Variants in PLCXD3 observed in about 807,000 individuals in gnomAD.
PLCXD3 encodes PI-PLC X domain-containing protein 3.
PLCXD3 carries 19 observed loss-of-function variants against 25.5 expected under a neutral mutation model. That is an observed-to-expected ratio of 0.75 (90% CI 0.52 to 1.09). The LOEUF (loss-of-function observed/expected upper bound fraction) is 1.09, where lower values mean the gene tolerates loss of function less well. Among genes scored for constraint, PLCXD3 ranks in the 50% least tolerant of loss-of-function variants. The pLI is 0.00. For missense variants in PLCXD3, 411 were observed against 388.1 expected (o/e 1.06, Z -0.50); for synonymous variants, 174 against 137.6 (o/e 1.26, Z -1.85).
At chr5:41,319,548 G>T (rs373855308) in intron 2 of PLCXD3, among the ~76,000 whole-genome samples, 4 of 152,022 alleles carry the variant, frequency 2.6e-5, no homozygotes, top group Admixed American at 6.6e-5. Flanking sequence ...AAATTGAAAA[G>T]TTTCTTGAAA....
rs542934356 is a variant in PLCXD3 at position 41,459,069 on chromosome 5, T to C, written c.103+51355A>G. On this transcript the variant is annotated intron_variant, in intron 1 of 2. Transcript: ENST00000377801. ...TGTCTGTTTTTCTAAGAAAAATATT[T>C]TCCTTCAATGCCAAGTACTCTTTCA... 2.0e-5 allele frequency among the ~76,000 whole-genome samples: 3 copies of C among 152,052 alleles called. No homozygotes were observed. In the East Asian group the frequency reaches 5.8e-4, roughly 30 times the overall value.
intron 2 of PLCXD3, among the ~76,000 whole-genome samples, chr5:41,375,638 A>C (rs1745271630): frequency 6.6e-6 from 1 of 152,070 alleles, no homozygotes; most frequent in South Asian, 2.1e-4. Flanking sequence ...CTAACATCCT[A>C]CCAGGGTTTG....
intron 1 of PLCXD3, among the ~76,000 whole-genome samples, chr5:41,424,396 C>T (rs570046930): frequency 9.9e-5 from 15 of 152,094 alleles, no homozygotes; most frequent in Admixed American, 8.5e-4. Context: ...CAAAATTAGC[C>T]GGGTGTGGTG....
rs1450129730 is a variant in PLCXD3 at position 41,312,638 on chromosome 5, CCTTCCCTCCCTT to C, written c.*967_*978del. On this transcript the variant is annotated 3_prime_UTR_variant, in exon 3 of 3. Transcript: ENST00000377801. ...TCCTTCCTCCCGTCCTTCCTTCTGTCCTTCCCTCCCTTCTTCCCTCCCTTCCTCCCTCCCTTC... is the reference window on the plus strand; with the variant it reads ...TCCTTCCTCCCGTCCTTCCTTCTGTCCTTCCCTCCCTTCCTCCCTCCCTTC... 56 of 138,548 alleles carry C rather than the reference CCTTCCCTCCCTT, an allele frequency of 4.0e-4. No homozygotes were observed. Among genetic ancestry groups the C allele is most frequent in the African/African-American group, 1.5e-3 (55 of 37,356 alleles). 8.6% of individuals were successfully genotyped at this position (138,548 alleles called of 1,614,324 possible). A position where few individuals can be genotyped will look rare whatever the true frequency, so the allele number is the denominator to read the frequency against.
At chr5:41,368,886 C>T (rs945072732) in intron 2 of PLCXD3, among the ~76,000 whole-genome samples, 1 of 152,068 alleles carries the variant, frequency 6.6e-6, no homozygotes, top group Non-Finnish European at 1.5e-5. Context: ...AATGGTGGAC[C>T]ATTGAAACAG....
At chr5:41,325,329 TCAGA>T (rs1012394376) in intron 2 of PLCXD3, among the ~76,000 whole-genome samples, 24 of 152,174 alleles carry the variant, frequency 1.6e-4, no homozygotes, top group Non-Finnish European at 2.8e-4. Context: ...TCTCAAATAC[TCAGA>T]CAGTCTCAAG....
chr5:41,490,977 C>A (rs1402854362), intron 1 of PLCXD3, among the ~76,000 whole-genome samples: 2 of 152,104 alleles, frequency 1.3e-5, no homozygotes, highest in Non-Finnish European at 1.5e-5. Context: ...CTTCTGCTAG[C>A]TTTTGAATGT....
intron 1 of PLCXD3, among the ~76,000 whole-genome samples, chr5:41,424,283 C>T (rs1335258962): frequency 6.6e-6 from 1 of 152,176 alleles, no homozygotes; most frequent in Non-Finnish European, 1.5e-5. Context: ...GTGGCTCACG[C>T]CTGTAATCCC....
intron 1 of PLCXD3, among the ~76,000 whole-genome samples, chr5:41,417,115 T>A (rs1485085305): frequency 1.2e-4 from 19 of 152,200 alleles, no homozygotes. Flanking sequence ...GCTGAGCTAT[T>A]ACGATAATCA....
intron 2 of PLCXD3, among the ~76,000 whole-genome samples, chr5:41,348,088 T>C (rs899444306): frequency 3.9e-5 from 6 of 152,208 alleles, no homozygotes; most frequent in Admixed American, 2.0e-4. Flanking sequence ...TTAGTTAACA[T>C]ATCATGGAAT....
In PLCXD3 at chr5:41,310,379, ATTTG is replaced by A. The variant is rs1050600011; in HGVS notation, c.*3234_*3237del. ...GTAGATTGGGTAAAAGTTAGATTGT[ATTTG>A]TTTGGTTGTTTTGTTTTGTTTTGTT... is the stretch of plus-strand genomic sequence containing the variant. On this transcript the variant is annotated 3_prime_UTR_variant, in exon 3 of 3. Coordinates refer to ENST00000377801, the MANE Select transcript of PLCXD3 (RefSeq NM_001005473.3). 3 of 151,982 alleles carry A rather than the reference ATTTG, an allele frequency of 2.0e-5. No homozygotes were observed. Among genetic ancestry groups the A allele is most frequent in the East Asian group, 1.9e-4 (1 of 5,190 alleles). The allele number at this position is 151,982 out of a possible 1,614,324, so 9.4% of individuals were successfully genotyped here.
chr5:41,385,742 C>A (rs1580341447), intron 1 of PLCXD3, among the ~76,000 whole-genome samples: 1 of 152,104 alleles, frequency 6.6e-6, no homozygotes, highest in African/African-American at 2.4e-5. Context: ...TAACTTCTGT[C>A]TTGTTACTTT....
At chr5:41,396,417 G>A (rs62360569) in intron 1 of PLCXD3, among the ~76,000 whole-genome samples, 16,747 of 152,116 alleles carry the variant, frequency 0.11, 1,035 homozygotes, top group Non-Finnish European at 0.12. Flanking sequence ...AGGCCTCTCA[G>A]CCATGCTTCA....
At chr5:41,405,208 T>C (rs970463411) in intron 1 of PLCXD3, among the ~76,000 whole-genome samples, 1 of 152,098 alleles carries the variant, frequency 6.6e-6, no homozygotes, top group Non-Finnish European at 1.5e-5. Context: ...GTAGCTTTGT[T>C]GTTTGAGGTC....
At chr5:41,422,774 G>C (rs1291127481) in intron 1 of PLCXD3, among the ~76,000 whole-genome samples, 7 of 151,926 alleles carry the variant, frequency 4.6e-5, no homozygotes, top group Admixed American at 4.6e-4. Context: ...TATAAAAGTG[G>C]CATTTTTTTC....
At chr5:41,470,627 A>G (rs1028739282) in intron 1 of PLCXD3, among the ~76,000 whole-genome samples, 1 of 152,212 alleles carries the variant, frequency 6.6e-6, no homozygotes. Context: ...AATGCCACTA[A>G]ACAGTAAAAA....
intron 1 of PLCXD3, among the ~76,000 whole-genome samples, chr5:41,460,935 T>C (rs933194651): frequency 6.6e-6 from 1 of 151,988 alleles, no homozygotes; most frequent in Admixed American, 6.6e-5. Flanking sequence ...TTATAACAAA[T>C]TTGGTATAAG....
At chr5:41,428,992 A>G (rs2150508110) in intron 1 of PLCXD3, among the ~76,000 whole-genome samples, 1 of 152,272 alleles carries the variant, frequency 6.6e-6, no homozygotes, top group East Asian at 1.9e-4. Flanking sequence ...ACTTGGAGGA[A>G]CTGGAAGACA....
intron 1 of PLCXD3, among the ~76,000 whole-genome samples, chr5:41,412,067 T>G (rs1430349627): frequency 6.6e-6 from 1 of 151,948 alleles, no homozygotes; most frequent in Non-Finnish European, 1.5e-5. Flanking sequence ...ACAATTGTTT[T>G]ACTTCTTAAG....
Sources: gnomAD v4.1 joint callset for allele counts (sites outside exome capture counted in the v4.1 genomes callset) on GRCh38, gnomAD v4.1.1 for gene constraint, MANE v1.5 for transcripts, NCBI Gene and HGNC (gene_info 2026-07-23, HGNC 2026-07-21) for gene names.